Variants in SPATA31H1 observed in about 807,000 individuals in gnomAD.
SPATA31H1 encodes the protein spermatogenesis-associated protein 31H1.
chr2:27,563,550 C>A, the SPATA31H1 span, among the ~76,000 whole-genome samples: 3 of 150,716 alleles, frequency 2.0e-5, no homozygotes, highest in Non-Finnish European at 3.0e-5. Flanking sequence ...CACACACCAC[C>A]ACACCCAGCT....
the SPATA31H1 span, chr2:27,566,786 C>G: frequency 1.4e-6 from 1 of 717,070 alleles, no homozygotes; most frequent in Non-Finnish European, 2.6e-6. Context: ...TGATTTCTTC[C>G]TCTACCACCT....
At chr2:27,555,645 G>A in the SPATA31H1 span, among the ~76,000 whole-genome samples, 2 of 151,838 alleles carry the variant, frequency 1.3e-5, no homozygotes, top group African/African-American at 2.4e-5. Flanking sequence ...CCGCACTGCA[G>A]TGCGGTGCAG....
At chr2:27,582,145 A>G in the SPATA31H1 span, 1 of 1,613,760 alleles carries the variant, frequency 6.2e-7, no homozygotes, top group Non-Finnish European at 8.5e-7. Context: ...AGTCCCTTGG[A>G]AAGAAGCCGT....
the SPATA31H1 span, among the ~76,000 whole-genome samples, chr2:27,558,987 C>A: frequency 6.7e-6 from 1 of 150,228 alleles, no homozygotes; most frequent in Non-Finnish European, 1.5e-5. Context: ...ATTTTAAAAT[C>A]CATGTTTTAT....
At chr2:27,565,616 G>A in the SPATA31H1 span, among the ~76,000 whole-genome samples, 1 of 152,028 alleles carries the variant, frequency 6.6e-6, no homozygotes, top group African/African-American at 2.4e-5. Flanking sequence ...AGCTCCTTTT[G>A]TGCAAAGCCC....
At chr2:27,573,648 C>A in the SPATA31H1 span, 2 of 398,342 alleles carry the variant, frequency 5.0e-6, no homozygotes, top group Non-Finnish European at 4.4e-6. Flanking sequence ...GGCATTCAAA[C>A]CTGGGCTTCA....
the SPATA31H1 span, chr2:27,573,743 G>A: frequency 2.5e-6 from 1 of 398,542 alleles, no homozygotes. Context: ...CAGGAACACA[G>A]CTGCAAGATG....
At chr2:27,566,182 C>T in the SPATA31H1 span, 17 of 712,946 alleles carry the variant, frequency 2.4e-5, no homozygotes, top group East Asian at 3.0e-4. Flanking sequence ...GTTTTACTTC[C>T]TTCACTGTGA....
the SPATA31H1 span, chr2:27,581,871 T>TCCCTCTGAGAGAAGACATC: frequency 7.2e-7 from 1 of 1,383,360 alleles, no homozygotes; most frequent in African/African-American, 2.4e-5. Flanking sequence ...GAGAAGCCAT[T>TCCCTCTGAGAGAAGACATC]GCAGTCCCTC....
At chr2:27,543,519 G>A in the SPATA31H1 span, among the ~76,000 whole-genome samples, 2 of 147,460 alleles carry the variant, frequency 1.4e-5, no homozygotes, top group East Asian at 4.0e-4. Flanking sequence ...AATATAATCT[G>A]GCTTAAGCCT....
chr2:27,558,887 C>T, the SPATA31H1 span, among the ~76,000 whole-genome samples: 1 of 72,700 alleles, frequency 1.4e-5, no homozygotes, highest in Non-Finnish European at 2.4e-5. Context: ...AGAGGGAGAC[C>T]GTGGAGGGAG....
the SPATA31H1 span, among the ~76,000 whole-genome samples, chr2:27,542,854 T>C: frequency 2.0e-5 from 3 of 151,902 alleles, no homozygotes; most frequent in African/African-American, 4.8e-5. Flanking sequence ...CCCAGAACTT[T>C]GGGAGGCTGA....
chr2:27,579,544 C>T, the SPATA31H1 span: 7 of 1,614,188 alleles, frequency 4.3e-6, no homozygotes, highest in Non-Finnish European at 5.9e-6. Flanking sequence ...CAGCAATACT[C>T]TGGGACTAGA....
chr2:27,574,673 T>C, the SPATA31H1 span: 1 of 398,538 alleles, frequency 2.5e-6, no homozygotes, highest in East Asian at 3.6e-5. Context: ...ACCATCAAGA[T>C]GTTAAATCTG....
the SPATA31H1 span, chr2:27,579,616 T>C: frequency 9.9e-6 from 16 of 1,614,216 alleles, 1 homozygote; most frequent in South Asian, 1.6e-4. Flanking sequence ...ATTCAACATA[T>C]GCCTGTCTCA....
chr2:27,551,404 A>G, the SPATA31H1 span, among the ~76,000 whole-genome samples: 1 of 152,066 alleles, frequency 6.6e-6, no homozygotes, highest in Non-Finnish European at 1.5e-5. Context: ...AAAATTCTAA[A>G]GGCTTCTGAT....
the SPATA31H1 span, among the ~76,000 whole-genome samples, chr2:27,539,532 G>C: frequency 1.6e-4 from 19 of 120,268 alleles, no homozygotes; most frequent in African/African-American, 6.4e-4. Context: ...ACACAGACCC[G>C]GCAACCATCC....
chr2:27,570,922 G>A, the SPATA31H1 span: 1 of 398,760 alleles, frequency 2.5e-6, no homozygotes, highest in Non-Finnish European at 4.4e-6. Flanking sequence ...CAGTTGCCCA[G>A]TGTAAATCAT....
the SPATA31H1 span, chr2:27,578,600 G>A: frequency 6.2e-7 from 1 of 1,613,956 alleles, no homozygotes; most frequent in South Asian, 1.1e-5. Context: ...ATACAATATT[G>A]ACTCATAAAC....
Sources: allele counts gnomAD v4.1 joint callset (sites outside exome capture counted in the v4.1 genomes callset), GRCh38; gene constraint gnomAD v4.1.1; transcripts MANE v1.5; gene names NCBI Gene and HGNC (gene_info 2026-07-23, HGNC 2026-07-21).